The following OR4C12 variants were observed in gnomAD, a reference collection of about 807,000 sequenced individuals.
The protein encoded by OR4C12 is olfactory receptor 4C12.
A neutral mutation model predicts 12.3 loss-of-function variants in OR4C12; 11 were observed. That is an observed-to-expected ratio of 0.89 (90% confidence interval 0.56 to 1.48). The LOEUF is 1.48. Among genes scored for constraint, OR4C12 ranks in the 40% most tolerant of loss-of-function variants. OR4C12 has a pLI of 0.00. For missense variants in OR4C12, 414 were observed against 365.8 expected (o/e 1.13, Z -1.08); for synonymous variants, 138 against 133.2 (o/e 1.04, Z -0.25).
At position 49,981,477 on chromosome 11, in the gene OR4C12, C is replaced by G. The variant is rs1854136780; in HGVS notation, c.*95G>C. The stretch of plus-strand genomic sequence containing the variant: ...TTATGCTTTACTGACTATCTGCAAG[C>G]ATTAGCCAGCCCCTTGTTAGAGTTG... On this transcript the variant is annotated 3_prime_UTR_variant, in exon 1 of 1. Coordinates refer to ENST00000335238, the MANE Select transcript of OR4C12 (RefSeq NM_001005270.4). 1.4e-6 allele frequency: 1 copy of G among 713,594 alleles called. No homozygotes were observed. Among genetic ancestry groups the G allele is most frequent in the Non-Finnish European group, 2.4e-6 (1 of 417,704 alleles). 44.2% of individuals were successfully genotyped at this position (713,594 alleles called of 1,614,324 possible). A position where few individuals can be genotyped will look rare whatever the true frequency, so the allele number is the denominator to read the frequency against.
rs1555020292 is a variant in OR4C12 at position 49,982,256 on chromosome 11, A to G, written c.246T>C (p.Asp82=). The change falls in exon 1 of 1, where the codon GAT becomes GAC. Residue 82 remains aspartate (D), a synonymous_variant. Coordinates refer to ENST00000335238, the MANE Select transcript of OR4C12 (RefSeq NM_001005270.4). ...SSSSAPKLIV[D]SFQEKKIISF... The stretch of plus-strand genomic sequence containing the variant: ...AGATGATTTTCTTCTCTTGAAAGGA[A>G]TCCACAATCAACTTAGGAGCTGAAG... 1 of 1,614,134 alleles carries G rather than the reference A, an allele frequency of 6.2e-7. No homozygotes were observed.
Position 49,981,987 on chromosome 11 carries a change from A to T in OR4C12, c.515T>A (p.Ile172Lys). 6.2e-7 allele frequency: 1 copy of T among 1,614,146 alleles called. No individual in the cohort carries two copies. Among genetic ancestry groups the T allele is most frequent in the African/African-American group, 1.3e-5 (1 of 75,046 alleles). Residue 172 changes from isoleucine to lysine, a missense_variant, in exon 1 of 1, where the codon ATA (isoleucine) becomes AAA (lysine). Coordinates refer to ENST00000335238, the MANE Select transcript of OR4C12 (RefSeq NM_001005270.4). ...GTACAAGTCACACATGAAGTGGCCT[A>T]TGACATTGGGGCCACAGAAGGGCAG... The part of the protein sequence containing the change: ...VWLPFCGPNV[I>K]GHFMCDLYPL...
chr11:49,982,115 G>A lies in OR4C12; in HGVS notation c.387C>T (p.Asn129=), dbSNP rs370533796. The A allele has an allele frequency of 7.4e-6, 12 of 1,614,018 alleles. No individual in the cohort carries two copies. The highest frequency in any genetic ancestry group is 1.7e-5 in the Admixed American group (1 of 60,002). Residue 129 remains asparagine (N), a synonymous_variant, in exon 1 of 1, where the codon AAC becomes AAT. Coordinates refer to ENST00000335238, the MANE Select transcript of OR4C12 (RefSeq NM_001005270.4). ...DCYVAICKPL[N]YTTIMSHSLC... is the part of the protein sequence containing the mutation. ...GGCTGTGGCTCATAATGGTTGTGTA[G>A]TTCAGAGGTTTGCAGATGGCCACAT...
In OR4C12 at chr11:49,982,321, G is replaced by C. The variant is rs1555020310; in HGVS notation, c.181C>G (p.Leu61Val). 1 of 1,614,090 alleles carries C rather than the reference G, an allele frequency of 6.2e-7. No homozygotes were observed. The highest frequency in any genetic ancestry group is 2.2e-5 in the East Asian group (1 of 44,876). The change falls in exon 1 of 1, where the codon CTG becomes GTG. Residue 61 changes from leucine (L) to valine (V), a missense_variant. Coordinates refer to ENST00000335238, the MANE Select transcript of OR4C12 (RefSeq NM_001005270.4). ...QALSSPMYFF[L>V]THLSLIDTVY... ...GTGTCTATCAAAGAAAGGTGGGTCA[G>C]GAAGAAGTACATGGGGGAGCTCAGA...
In OR4C12 at chr11:49,982,461, C is replaced by A; in HGVS notation, c.41G>T (p.Gly14Val). 1 of 1,612,340 alleles carries A rather than the reference C, an allele frequency of 6.2e-7. No individual in the cohort carries two copies. The highest frequency in any genetic ancestry group is 8.5e-7 in the Non-Finnish European group (1 of 1,178,884). ...CTCCATTATGGGGTTCTGTGTAAGACCTATTAAAATGAATTCAGTCACATT... is the reference window on the plus strand; with the variant it reads ...CTCCATTATGGGGTTCTGTGTAAGAACTATTAAAATGAATTCAGTCACATT... ...KKNVTEFILI[G>V]LTQNPIMEKV... Residue 14 changes from glycine (G) to valine (V), a missense_variant, in exon 1 of 1, where the codon GGT becomes GTT. Gly to Val is a moderately radical substitution (Grantham distance 109). Transcript: ENST00000335238.
chr11:49,982,329 T>G lies in OR4C12; in HGVS notation c.173A>C (p.Tyr58Ser). The stretch of plus-strand genomic sequence containing the variant: ...CAAAGAAAGGTGGGTCAGGAAGAAG[T>G]ACATGGGGGAGCTCAGAGCCTGGCT... ...TTSQALSSPM[Y>S]FFLTHLSLID... The change falls in exon 1 of 1, where the codon TAC (tyrosine) becomes TCC (serine). Residue 58 changes from tyrosine to serine, a missense_variant. Tyr to Ser is a moderately radical substitution (Grantham distance 144, BLOSUM62 -2). Transcript: ENST00000335238. 6.2e-7 allele frequency: 1 copy of G among 1,614,018 alleles called. No individual in the cohort carries two copies. Among genetic ancestry groups the G allele is most frequent in the South Asian group, 1.1e-5 (1 of 91,078 alleles).
Position 49,982,058 on chromosome 11 carries a change from C to A in OR4C12, c.444G>T (p.Val148=). The change falls in exon 1 of 1, where the codon GTG becomes GTT. Residue 148 remains valine, a synonymous_variant. Coordinates refer to ENST00000335238, the MANE Select transcript of OR4C12 (RefSeq NM_001005270.4). ...LCILLVAVAW[V]GGFLHATIQI... ...GAATAGTTGCATGAAGAAATCCTCC[C>A]ACCCAGGCCACTGCCACCAGGAGAA... 2 of 1,614,170 alleles carry A rather than the reference C, an allele frequency of 1.2e-6. No individual in the cohort carries two copies. The highest frequency in any genetic ancestry group is 1.7e-6 in the Non-Finnish European group (2 of 1,180,022).
rs1168969971 is a variant in OR4C12 at position 49,981,620 on chromosome 11, A to G, written c.882T>C (p.Ser294=). 6.2e-6 allele frequency: 10 copies of G among 1,613,024 alleles called. No individual in the cohort carries two copies. The highest frequency in any genetic ancestry group is 7.6e-6 in the Non-Finnish European group (9 of 1,179,630). The part of the protein sequence containing the change: ...VYTLRNAEVK[S]AIRKLWRKKV... ...TTTTTCTCCAAAGCTTCCTTATTGC[A>G]CTTTTTACCTCAGCATTTCTGAGTG... Residue 294 remains serine (S), a synonymous_variant, in exon 1 of 1, where the codon AGT becomes AGC. Transcript: ENST00000335238.
chr11:49,981,515 A>G lies in OR4C12; in HGVS notation c.*57T>C, dbSNP rs1854137347. On this transcript the variant is annotated 3_prime_UTR_variant, in exon 1 of 1. Coordinates refer to ENST00000335238, the MANE Select transcript of OR4C12 (RefSeq NM_001005270.4). ...CTTGTTAGAGTTGACATATTCATCT[A>G]CAAATCAAGAAGCTTAAATACCTAT... The G allele has an allele frequency of 4.0e-6, 4 of 988,942 alleles. No individual in the cohort carries two copies. Among genetic ancestry groups the G allele is most frequent in the Admixed American group, 2.2e-5 (1 of 44,928 alleles). The allele number at this position is 988,942 out of a possible 1,614,324, so 61.3% of individuals were successfully genotyped here.
rs576866834 is a variant in OR4C12, at chr11:49,982,348, C to A, written c.154G>T (p.Ala52Ser). ...AAGAAGTACATGGGGGAGCTCAGAG[C>A]CTGGCTGGTGGTAATGGTAACCACA... ...LIVVTITTSQ[A>S]LSSPMYFFLT... The change falls in exon 1 of 1, where the codon GCT (alanine) becomes TCT (serine). Residue 52 changes from alanine to serine, a missense_variant. Physicochemically the swap from Ala to Ser is moderately conservative, Grantham distance 99. Coordinates refer to ENST00000335238, the MANE Select transcript of OR4C12 (RefSeq NM_001005270.4). The A allele has an allele frequency of 1.2e-6, 2 of 1,614,068 alleles. No individual in the cohort carries two copies. Among genetic ancestry groups the A allele is most frequent in the East Asian group, 2.2e-5 (1 of 44,874 alleles).
Position 49,982,078 on chromosome 11 carries a change from G to GGA in OR4C12, c.422_423dup (p.Leu142SerfsTer32). On this transcript the variant is annotated frameshift_variant, in exon 1 of 1. Transcript: ENST00000335238. LOFTEE classifies it high-confidence loss of function. Reference sequence around the variant, plus strand: ...CCTCCCACCCAGGCCACTGCCACCAGGAGAATGCACAGGCTGTGGCTCATA... The same window carrying GGA: ...CCTCCCACCCAGGCCACTGCCACCAGGAGAGAATGCACAGGCTGTGGCTCATA... The GGA allele has an allele frequency of 6.2e-7, 1 of 1,614,192 alleles. No individual in the cohort carries two copies. The highest frequency in any genetic ancestry group is 8.5e-7 in the Non-Finnish European group (1 of 1,180,008).
Position 49,982,453 on chromosome 11 carries a change from G to A in OR4C12, c.49C>T (p.Gln17Ter), listed in dbSNP as rs1555020354. ...VTEFILIGLT[Q>*]NPIMEKVTFV... Reference sequence around the variant, plus strand: ...GTGACTTTCTCCATTATGGGGTTCTGTGTAAGACCTATTAAAATGAATTCA... The same window carrying A: ...GTGACTTTCTCCATTATGGGGTTCTATGTAAGACCTATTAAAATGAATTCA... The change falls in exon 1 of 1, where the codon CAG (glutamine) becomes TAG (stop). Residue 17 changes from glutamine (Q) to a stop codon, truncating the protein, a stop_gained. Transcript: ENST00000335238. LOFTEE classifies it high-confidence loss of function. 6.2e-7 allele frequency: 1 copy of A among 1,612,774 alleles called. No homozygotes were observed. The highest frequency in any genetic ancestry group is 8.5e-7 in the Non-Finnish European group (1 of 1,179,036).
Position 49,981,655 on chromosome 11 carries a change from C to A in OR4C12, c.847G>T (p.Val283Leu), listed in dbSNP as rs4598671. The change falls in exon 1 of 1, where the codon GTG becomes TTG. Residue 283 changes from valine (V) to leucine (L), a missense_variant. Val to Leu is a conservative substitution (Grantham distance 32). Coordinates refer to ENST00000335238, the MANE Select transcript of OR4C12 (RefSeq NM_001005270.4). The part of the protein sequence containing the change: ...YTMVVPMLNP[V>L]VYTLRNAEVK... ...TCAGCATTTCTGAGTGTGTAGACCA[C>A]GGGATTTAACATTGGGACCACCATA... 932,114 of 1,612,294 alleles carry A rather than the reference C, an allele frequency of 0.58. 273,776 individuals carry two copies. Among genetic ancestry groups the A allele is most frequent in the Middle Eastern group, 0.66 (4,014 of 6,058 alleles).
At position 49,982,498 on chromosome 11, in the gene OR4C12, C is replaced by T; in HGVS notation, c.4G>A (p.Glu2Lys). Residue 2 changes from glutamate to lysine, a missense_variant, in exon 1 of 1, where the codon GAG becomes AAG. By Grantham distance (56) the Glu-to-Lys change is moderately conservative. Transcript: ENST00000335238. Reference protein sequence around the residue: MEKKKNVTEFIL... With the variant: MKKKKNVTEFIL... ...AATTCAGTCACATTCTTTTTCTTCT[C>T]CATCTATGTAGTGTGGGTGATAAAA... The T allele has an allele frequency of 1.3e-6, 2 of 1,583,018 alleles. No homozygotes were observed. Among genetic ancestry groups the T allele is most frequent in the South Asian group, 2.2e-5 (2 of 89,404 alleles).
At position 49,982,356 on chromosome 11, in the gene OR4C12, G is replaced by A. The variant is rs1555020318; in HGVS notation, c.146C>T (p.Thr49Ile). 6.2e-6 allele frequency: 10 copies of A among 1,614,096 alleles called. No homozygotes were observed. The highest frequency in any genetic ancestry group is 8.5e-6 in the Non-Finnish European group (10 of 1,179,996). ...GNLLIVVTIT[T>I]SQALSSPMYF... ...CATGGGGGAGCTCAGAGCCTGGCTG[G>A]TGGTAATGGTAACCACAATGAGCAG... The change falls in exon 1 of 1, where the codon ACC (threonine) becomes ATC (isoleucine). Residue 49 changes from threonine to isoleucine, a missense_variant. By Grantham distance (89) the Thr-to-Ile change is moderately conservative. Coordinates refer to ENST00000335238, the MANE Select transcript of OR4C12 (RefSeq NM_001005270.4).
Position 49,982,381 on chromosome 11 carries a change from G to C in OR4C12, c.121C>G (p.Leu41Val). 6.2e-7 allele frequency: 1 copy of C among 1,614,028 alleles called. No individual in the cohort carries two copies. The highest frequency in any genetic ancestry group is 8.5e-7 in the Non-Finnish European group (1 of 1,179,956). The stretch of plus-strand genomic sequence containing the variant: ...GTGGTAATGGTAACCACAATGAGCA[G>C]GTTGCCTGAAAGTGTTATCATGTAA... The part of the protein sequence containing the change: ...VLYMITLSGN[L>V]LIVVTITTSQ... Residue 41 changes from leucine to valine, a missense_variant, in exon 1 of 1, where the codon CTG becomes GTG. Physicochemically the swap from Leu to Val is conservative, Grantham distance 32. Transcript: ENST00000335238.
Position 49,982,145 on chromosome 11 carries a change from G to C in OR4C12, c.357C>G (p.Asp119Glu). Residue 119 changes from aspartate (D) to glutamate (E), a missense_variant, in exon 1 of 1, where the codon GAC becomes GAG. Transcript: ENST00000335238. Reference protein sequence around the residue: ...EIILLTVMACDCYVAICKPLN... With the variant: ...EIILLTVMACECYVAICKPLN... ...GAGGTTTGCAGATGGCCACATAGCA[G>C]TCACAGGCCATCACTGTCAGCAGGA... 6.2e-7 allele frequency: 1 copy of C among 1,614,092 alleles called. No homozygotes were observed. Among genetic ancestry groups the C allele is most frequent in the Admixed American group, 1.7e-5 (1 of 60,020 alleles).
rs1854161750 is a variant in OR4C12, at chr11:49,982,487, C to A, written c.15G>T (p.Lys5Asn). Residue 5 changes from lysine (K) to asparagine (N), a missense_variant, in exon 1 of 1, where the codon AAG becomes AAT. Coordinates refer to ENST00000335238, the MANE Select transcript of OR4C12 (RefSeq NM_001005270.4). ...CTATTAAAATGAATTCAGTCACATT[C>A]TTTTTCTTCTCCATCTATGTAGTGT... is the stretch of plus-strand genomic sequence containing the variant. Reference protein sequence around the residue: MEKKKNVTEFILIGL... With the variant: MEKKNNVTEFILIGL... 1 of 1,600,616 alleles carries A rather than the reference C, an allele frequency of 6.2e-7. No homozygotes were observed. The highest frequency in any genetic ancestry group is 1.3e-5 in the African/African-American group (1 of 74,556).
chr11:49,982,370 C>T lies in OR4C12; in HGVS notation c.132G>A (p.Val44=), dbSNP rs1555020323. ...GAGCCTGGCTGGTGGTAATGGTAAC[C>T]ACAATGAGCAGGTTGCCTGAAAGTG... ...MITLSGNLLI[V]VTITTSQALS... Residue 44 remains valine (V), a synonymous_variant, in exon 1 of 1, where the codon GTG becomes GTA. Transcript: ENST00000335238. 1.2e-6 allele frequency: 2 copies of T among 1,613,856 alleles called. No homozygotes were observed. Among genetic ancestry groups the T allele is most frequent in the Admixed American group, 3.3e-5 (2 of 59,944 alleles).
Sources: allele counts gnomAD v4.1 joint callset, GRCh38; gene constraint gnomAD v4.1.1; transcripts MANE v1.5; gene names NCBI Gene and HGNC (gene_info 2026-07-23, HGNC 2026-07-21).